Variants in PPP1R12B observed in about 807,000 individuals in gnomAD.
PPP1R12B encodes the protein protein phosphatase 1 regulatory subunit 12B.
PPP1R12B carries 76 observed loss-of-function variants against 126.1 expected under a neutral mutation model. The observed-to-expected ratio is 0.60, with a 90% CI of 0.50 to 0.73. The LOEUF (loss-of-function observed/expected upper bound fraction) is 0.73. Ranked by LOEUF, PPP1R12B falls within the 30% of genes least tolerant of loss-of-function variation. The pLI is 0.00. For missense variants in PPP1R12B, 1,052 were observed against 1,205.1 expected, an observed-to-expected ratio of 0.87 and a Z score of 1.88; for synonymous variants, 356 against 434.7, an observed-to-expected ratio of 0.82 and a Z score of 2.25.
intron 13 of PPP1R12B, among the ~76,000 whole-genome samples, chr1:202,457,076 T>C (rs1673736946): frequency 6.6e-6 from 1 of 152,178 alleles, no homozygotes. Flanking sequence ...GACACACGTA[T>C]AGGAACAGTT....
rs187211102 is a variant in PPP1R12B at position 202,359,965 on chromosome 1, G to A, written c.291+10823G>A. On this transcript the variant is annotated intron_variant, in intron 1 of 23. Transcript: ENST00000608999. The stretch of plus-strand genomic sequence containing the variant: ...TTTATTCAAGTCATGATTCAAATAA[G>A]GTCTGTTTTGATTGATACGTATTTT... Among the ~76,000 whole-genome samples the A allele has an allele frequency of 6.0e-4, 92 of 152,180 alleles. No homozygotes were observed. In the South Asian group the frequency reaches 0.011, roughly 18 times the overall value.
intron 1 of PPP1R12B, among the ~76,000 whole-genome samples, chr1:202,392,467 A>AGGAG (rs918951302): frequency 2.0e-5 from 3 of 151,582 alleles, no homozygotes; most frequent in African/African-American, 7.3e-5. Context: ...TAGGGATAGG[A>AGGAG]GGAGGGAGGG....
intron 1 of PPP1R12B, among the ~76,000 whole-genome samples, chr1:202,389,878 G>A (rs546344302): frequency 4.5e-4 from 65 of 144,502 alleles, no homozygotes; most frequent in African/African-American, 1.7e-3. Context: ...AGTGAGCCAA[G>A]ATCGCTCCAC....
chr1:202,422,635 C>T lies in PPP1R12B; in HGVS notation c.438C>T (p.His146=), dbSNP rs149788517. Residue 146 remains histidine, a synonymous_variant, in exon 3 of 24, where the codon CAC becomes CAT. Coordinates refer to ENST00000608999, the MANE Select transcript of PPP1R12B (RefSeq NM_002481.4). The part of the protein sequence containing the change: ...YLNIAEYFIN[H]GASVGIVNSE... Reference sequence around the variant, plus strand: ...GTCTACGCAGGTATTTCATTAATCACGGAGCCAGTGTAGGTATTGTCAATA... The same window carrying T: ...GTCTACGCAGGTATTTCATTAATCATGGAGCCAGTGTAGGTATTGTCAATA... The T allele has an allele frequency of 1.0e-3, 1,621 of 1,613,552 alleles. 3 individuals carry two copies. The highest frequency in any genetic ancestry group is 2.1e-3 in the Admixed American group (127 of 60,000).
intron 1 of PPP1R12B, among the ~76,000 whole-genome samples, chr1:202,399,910 GT>G (rs1372408221): frequency 6.6e-6 from 1 of 152,024 alleles, no homozygotes; most frequent in Non-Finnish European, 1.5e-5. Flanking sequence ...GGTATATCGT[GT>G]GATGCTGAAG....
chr1:202,405,066 T>C (rs1467894128), intron 1 of PPP1R12B, among the ~76,000 whole-genome samples: 1 of 152,220 alleles, frequency 6.6e-6, no homozygotes, highest in East Asian at 1.9e-4. Context: ...AAATGCACAT[T>C]ACAGTCAGGG....
intron 3 of PPP1R12B, 118 bp from the exon 4 acceptor site, chr1:202,425,448 G>A (rs1237226995): frequency 1.8e-6 from 2 of 1,139,408 alleles, no homozygotes; most frequent in Non-Finnish European, 2.5e-6. Context: ...TACCCAACTT[G>A]ATGGCTAAAT....
chr1:202,388,209 A>G (rs1249840268), intron 1 of PPP1R12B, among the ~76,000 whole-genome samples: 1 of 151,522 alleles, frequency 6.6e-6, no homozygotes, highest in Non-Finnish European at 1.5e-5. Context: ...TTTGAGCTGG[A>G]GTCTCACTCT....
chr1:202,438,827 G>C (rs549988089), intron 10 of PPP1R12B: 21 of 915,788 alleles, frequency 2.3e-5, no homozygotes, highest in South Asian at 1.6e-4. Flanking sequence ...TCACGGACGT[G>C]GGGGAGACGG....
chr1:202,462,475 A>G (rs1674439532), intron 13 of PPP1R12B, among the ~76,000 whole-genome samples: 1 of 152,146 alleles, frequency 6.6e-6, no homozygotes, highest in Non-Finnish European at 1.5e-5. Flanking sequence ...CATTTAGAAG[A>G]AAGGACAAGA....
intron 13 of PPP1R12B, among the ~76,000 whole-genome samples, chr1:202,486,453 C>G (rs1383769230): frequency 6.6e-6 from 1 of 151,958 alleles, no homozygotes; most frequent in African/African-American, 2.4e-5. Flanking sequence ...AAACAATTAC[C>G]AAAACAGAAA....
chr1:202,408,843 C>CTTTT (rs35632865), intron 1 of PPP1R12B, among the ~76,000 whole-genome samples: 51 of 113,308 alleles, frequency 4.5e-4, no homozygotes, highest in African/African-American at 7.1e-4. Context: ...TTATTTCTTT[C>CTTTT]TTTTTTTTTT....
intron 21 of PPP1R12B, among the ~76,000 whole-genome samples, chr1:202,566,590 A>C (rs1435427730): frequency 6.6e-6 from 1 of 152,236 alleles, no homozygotes; most frequent in Non-Finnish European, 1.5e-5. Flanking sequence ...TCATGAAATC[A>C]TCACAACTTC....
At chr1:202,435,220 T>G (rs1670658263) in intron 9 of PPP1R12B, among the ~76,000 whole-genome samples, 1 of 152,148 alleles carries the variant, frequency 6.6e-6, no homozygotes, top group Admixed American at 6.6e-5. Flanking sequence ...AATATATGAA[T>G]TTTTGGAGGA....
chr1:202,411,387 T>C (rs1558191640), intron 1 of PPP1R12B, among the ~76,000 whole-genome samples: 1 of 152,030 alleles, frequency 6.6e-6, no homozygotes, highest in Admixed American at 6.6e-5. Context: ...CTTAACTGGG[T>C]GCATACTATT....
At position 202,591,193 on chromosome 1, in the gene PPP1R12B, G is replaced by A. The variant is rs1464942533; in HGVS notation, c.*10633G>A. ...TCAGTTCCCAGCACAAAGGTCCCTG[G>A]GACTTCTGTGTGCAACTTCTGTTGT... On this transcript the variant is annotated 3_prime_UTR_variant, in exon 24 of 24. Coordinates refer to ENST00000608999, the MANE Select transcript of PPP1R12B (RefSeq NM_002481.4). 2 of 152,400 alleles carry A rather than the reference G, an allele frequency of 1.3e-5. No individual in the cohort carries two copies. Among genetic ancestry groups the A allele is most frequent in the Admixed American group, 1.3e-4 (2 of 15,286 alleles). The allele number at this position is 152,400 out of a possible 1,614,324, so 9.4% of individuals were successfully genotyped here.
intron 18 of PPP1R12B, among the ~76,000 whole-genome samples, chr1:202,517,242 C>T (rs982568799): frequency 1.3e-5 from 2 of 152,154 alleles, no homozygotes; most frequent in African/African-American, 4.8e-5. Flanking sequence ...TCTCCCCTCC[C>T]AAATTACAGC....
chr1:202,449,677 G>T (rs369727977), intron 13 of PPP1R12B, among the ~76,000 whole-genome samples: 1 of 151,206 alleles, frequency 6.6e-6, no homozygotes. Flanking sequence ...ACTTAACGCC[G>T]TTATGGATTT....
intron 23 of PPP1R12B, among the ~76,000 whole-genome samples, chr1:202,571,008 C>G (rs897659119): frequency 6.6e-6 from 1 of 152,170 alleles, no homozygotes; most frequent in Non-Finnish European, 1.5e-5. Flanking sequence ...TAGAACCTTT[C>G]AAGGAGTACC....
Sources: allele counts gnomAD v4.1 joint callset (sites outside exome capture counted in the v4.1 genomes callset), GRCh38; gene constraint gnomAD v4.1.1; transcripts MANE v1.5; gene names NCBI Gene and HGNC (gene_info 2026-07-23, HGNC 2026-07-21).